Variants in ZNF300 observed in about 807,000 individuals in gnomAD.
The protein encoded by ZNF300 is zinc finger protein 300.
In ZNF300, 6 loss-of-function variants were observed where a neutral mutation model predicts 13.9. The observed-to-expected ratio is 0.43, with a 90% CI of 0.24 to 0.85. The LOEUF (loss-of-function observed/expected upper bound fraction) is 0.85. ZNF300 is among the 40% of genes least tolerant of loss of function. The pLI, the probability that ZNF300 is intolerant of heterozygous loss-of-function variation, is 0.25. For synonymous variants in ZNF300, 237 were observed against 242.2 expected (o/e 0.98, Z 0.20); for missense variants, 662 against 714.2 (o/e 0.93, Z 0.83).
intron 3 of ZNF300, among the ~76,000 whole-genome samples, chr5:150,901,262 A>T (rs904244781): frequency 6.6e-6 from 1 of 152,148 alleles, no homozygotes; most frequent in African/African-American, 2.4e-5. Flanking sequence ...CAGATAGGTA[A>T]GTTTACATTT....
Position 150,895,232 on chromosome 5 carries a change from A to G in ZNF300, c.*192T>C, listed in dbSNP as rs577247177. On this transcript the variant is annotated 3_prime_UTR_variant, in exon 6 of 6. Coordinates refer to ENST00000274599, the MANE Select transcript of ZNF300 (RefSeq NM_052860.4). The stretch of plus-strand genomic sequence containing the variant: ...CTTTAAAAGCTTTACATGCCATATT[A>G]AAAATGTTCTTCATTTATATAACTA... The G allele has an allele frequency of 3.6e-5, 18 of 500,542 alleles. No homozygotes were observed. The South Asian group carries it at 6.5e-4, about 18-fold the overall frequency. 31.0% of individuals were successfully genotyped at this position (500,542 alleles called of 1,614,324 possible). A position where few individuals can be genotyped will look rare whatever the true frequency, so the allele number is the denominator to read the frequency against.
chr5:150,899,124 T>C (rs535659204), intron 3 of ZNF300, among the ~76,000 whole-genome samples: 1 of 152,086 alleles, frequency 6.6e-6, no homozygotes, highest in Admixed American at 6.6e-5. Context: ...GAGAGAGGCA[T>C]GAAACAAATA....
At chr5:150,899,519 C>A in intron 3 of ZNF300, among the ~76,000 whole-genome samples, 1 of 151,848 alleles carries the variant, frequency 6.6e-6, no homozygotes, top group South Asian at 2.1e-4. Context: ...ATCTTAGCTT[C>A]CCCCAAATGT....
Position 150,896,728 on chromosome 5 carries a change from A to G in ZNF300, c.511T>C (p.Phe171Leu). The part of the protein sequence containing the change: ...GHKYNPLGKI[F>L]QECIETDISI... ...ATATCTGTTTCTATGCACTCTTGAA[A>G]TATTTTCCCCAGTGGATTATATTTA... The change falls in exon 6 of 6, where the codon TTT (phenylalanine) becomes CTT (leucine). Residue 171 changes from phenylalanine (F) to leucine (L), a missense_variant. By Grantham distance (22) the Phe-to-Leu change is conservative. Coordinates refer to ENST00000274599, the MANE Select transcript of ZNF300 (RefSeq NM_052860.4). 1 of 1,613,678 alleles carries G rather than the reference A, an allele frequency of 6.2e-7. No homozygotes were observed. Among genetic ancestry groups the G allele is most frequent in the Non-Finnish European group, 8.5e-7 (1 of 1,179,778 alleles).
At position 150,896,668 on chromosome 5, in the gene ZNF300, T is replaced by A; in HGVS notation, c.571A>T (p.Lys191Ter). 6.2e-7 allele frequency: 1 copy of A among 1,613,548 alleles called. No individual in the cohort carries two copies. Among genetic ancestry groups the A allele is most frequent in the Non-Finnish European group, 8.5e-7 (1 of 1,179,764 alleles). ...TCAATATTTGGTTTTAAGTTCTTTT[T>A]AAAAGCATCATATTTATGGAATCTC... ...IQRFHKYDAFKKNLKPNIDLP... is the reference protein window; with the variant it reads ...IQRFHKYDAF The change falls in exon 6 of 6, where the codon AAA (lysine) becomes TAA (stop). Residue 191 changes from lysine (K) to a stop codon, truncating the protein, a stop_gained. Transcript: ENST00000274599. LOFTEE classifies it low-confidence loss of function (END_TRUNC).
In ZNF300 at chr5:150,904,788, T is replaced by A. The variant is rs955687522; in HGVS notation, c.-226A>T. On this transcript the variant is annotated 5_prime_UTR_variant, in exon 1 of 6. An upstream open reading frame in the 5' UTR loses its in-frame stop. Transcript: ENST00000274599. ...CATCACCGCTTAATGGGAACCGCTGTCACATCCCTATTGGCAAACTCTCCT... is the reference window on the plus strand; with the variant it reads ...CATCACCGCTTAATGGGAACCGCTGACACATCCCTATTGGCAAACTCTCCT... 6.5e-6 allele frequency: 1 copy of A among 153,202 alleles called. No homozygotes were observed. Among genetic ancestry groups the A allele is most frequent in the Non-Finnish European group, 1.5e-5 (1 of 68,514 alleles). 9.5% of individuals were successfully genotyped at this position (153,202 alleles called of 1,614,324 possible).
rs1157505063 is a variant in ZNF300, at chr5:150,896,338, C to T, written c.901G>A (p.Ala301Thr). Reference sequence around the variant, plus strand: ...TTCTCACTGAAGGCTTTTCCGCATGCACCACAATCATATGGTTTCTTTCCA... The same window carrying T: ...TTCTCACTGAAGGCTTTTCCGCATGTACCACAATCATATGGTTTCTTTCCA... ...HTGKKPYDCG[A>T]CGKAFSEKFH... Residue 301 changes from alanine (A) to threonine (T), a missense_variant, in exon 6 of 6, where the codon GCA (alanine) becomes ACA (threonine). Transcript: ENST00000274599. 1 of 1,613,596 alleles carries T rather than the reference C, an allele frequency of 6.2e-7. No individual in the cohort carries two copies. Among genetic ancestry groups the T allele is most frequent in the Non-Finnish European group, 8.5e-7 (1 of 1,179,804 alleles).
chr5:150,895,407 T>C lies in ZNF300; in HGVS notation c.*17A>G. 6.4e-7 allele frequency: 1 copy of C among 1,554,066 alleles called. No homozygotes were observed. The highest frequency in any genetic ancestry group is 8.7e-7 in the Non-Finnish European group (1 of 1,147,356). On this transcript the variant is annotated 3_prime_UTR_variant, in exon 6 of 6. Transcript: ENST00000274599. ...TAAGGCTTGAGCTAATACTAAGGCT[T>C]TTCTGTGGCCAGTTCATTATGATTT...
At position 150,896,912 on chromosome 5, in the gene ZNF300, A is replaced by G; in HGVS notation, c.327T>C (p.His109=). 1 of 1,613,466 alleles carries G rather than the reference A, an allele frequency of 6.2e-7. No homozygotes were observed. Among genetic ancestry groups the G allele is most frequent in the Non-Finnish European group, 8.5e-7 (1 of 1,179,658 alleles). ...SCILGTVSFH[H]KILKGVTRDG... ...CCCTTGTGACTCCTTTCAGTATCTT[A>G]TGATGGAAGGAAACTGTCCCCAAAA... is the stretch of plus-strand genomic sequence containing the variant. The change falls in exon 6 of 6, where the codon CAT becomes CAC. Residue 109 remains histidine (H), a synonymous_variant. Transcript: ENST00000274599.
intron 3 of ZNF300, among the ~76,000 whole-genome samples, chr5:150,900,226 A>G (rs767973666): frequency 9.2e-5 from 14 of 152,098 alleles, no homozygotes; most frequent in Non-Finnish European, 1.3e-4. Context: ...CCTCCCTGAT[A>G]CTGTAAACAT....
intron 3 of ZNF300, among the ~76,000 whole-genome samples, chr5:150,899,410 C>T (rs985232774): frequency 2.6e-5 from 4 of 151,356 alleles, no homozygotes; most frequent in Admixed American, 2.0e-4. Flanking sequence ...TTTGTAAGTA[C>T]ATTTTTTTTT....
rs1467252801 is a variant in ZNF300, at chr5:150,895,606, C to T, written c.1633G>A (p.Gly545Arg). The T allele has an allele frequency of 6.2e-7, 1 of 1,613,262 alleles. No individual in the cohort carries two copies. The highest frequency in any genetic ancestry group is 8.5e-7 in the Non-Finnish European group (1 of 1,179,664). Residue 545 changes from glycine (G) to arginine (R), a missense_variant, in exon 6 of 6, where the codon GGA becomes AGA. Gly to Arg is a moderately radical substitution (Grantham distance 125). Coordinates refer to ENST00000274599, the MANE Select transcript of ZNF300 (RefSeq NM_052860.4). ...TCAGCACATATGTAAGGTTTCTCTCCTGTATGAATTCGCTGGTGTCCCGGA... is the reference window on the plus strand; with the variant it reads ...TCAGCACATATGTAAGGTTTCTCTCTTGTATGAATTCGCTGGTGTCCCGGA... Reference protein sequence around the residue: ...HLPGHQRIHTGEKPYICAECG... With the variant: ...HLPGHQRIHTREKPYICAECG...
Position 150,895,082 on chromosome 5 carries a change from C to T in ZNF300, c.*342G>A. 5.3e-6 allele frequency: 1 copy of T among 186,952 alleles called. No individual in the cohort carries two copies. Among genetic ancestry groups the T allele is most frequent in the Non-Finnish European group, 1.1e-5 (1 of 91,706 alleles). 11.6% of individuals were successfully genotyped at this position (186,952 alleles called of 1,614,324 possible). On this transcript the variant is annotated 3_prime_UTR_variant, in exon 6 of 6. Transcript: ENST00000274599. ...TTTTATAGAAAAATTAGTTTATGGC[C>T]ATAATTATGACAAGCTAATATTAGC...
chr5:150,898,522 A>G lies in ZNF300; in HGVS notation c.48T>C (p.Asp16=), dbSNP rs1754880050. 6.2e-7 allele frequency: 1 copy of G among 1,612,678 alleles called. No individual in the cohort carries two copies. The highest frequency in any genetic ancestry group is 8.5e-7 in the Non-Finnish European group (1 of 1,179,216). ...GLVSFKDVAV[D]FTQEEWQQLD... ...GTTGCTGCCACTCCTCCTGGGTGAA[A>G]TCCACAGCCACATCCTTGAATGATA... The change falls in exon 4 of 6, where the codon GAT becomes GAC. Residue 16 remains aspartate, a synonymous_variant. Coordinates refer to ENST00000274599, the MANE Select transcript of ZNF300 (RefSeq NM_052860.4).
intron 3 of ZNF300, among the ~76,000 whole-genome samples, chr5:150,899,924 C>T (rs1297804812): frequency 6.6e-6 from 1 of 152,030 alleles, no homozygotes; most frequent in African/African-American, 2.4e-5. Context: ...TGCTTAAAAG[C>T]CTCCTTTGTT....
chr5:150,898,493 T>C lies in ZNF300; in HGVS notation c.77A>G (p.Asp26Gly), dbSNP rs1561757257. Residue 26 changes from aspartate to glycine, a missense_variant, in exon 4 of 6, where the codon GAC becomes GGC. Asp to Gly is a moderately conservative substitution (Grantham distance 94). Transcript: ENST00000274599. ...DFTQEEWQQL[D>G]PSQRTLYRDV... Reference sequence around the variant, plus strand: ...CCTGTACAGGGTCCTCTGAGAAGGGTCAAGTTGCTGCCACTCCTCCTGGGT... The same window carrying C: ...CCTGTACAGGGTCCTCTGAGAAGGGCCAAGTTGCTGCCACTCCTCCTGGGT... 1 of 1,613,146 alleles carries C rather than the reference T, an allele frequency of 6.2e-7. No individual in the cohort carries two copies. The highest frequency in any genetic ancestry group is 1.7e-5 in the Admixed American group (1 of 59,926).
chr5:150,899,514 A>G (rs1754920180), intron 3 of ZNF300, among the ~76,000 whole-genome samples: 1 of 152,096 alleles, frequency 6.6e-6, no homozygotes, highest in Non-Finnish European at 1.5e-5. Context: ...AAATGATCTT[A>G]GCTTCCCCCA....
intron 3 of ZNF300, among the ~76,000 whole-genome samples, chr5:150,902,286 A>G (rs915559012): frequency 6.6e-6 from 1 of 152,198 alleles, no homozygotes; most frequent in African/African-American, 2.4e-5. Flanking sequence ...GATATGGAGC[A>G]TCAGGGACCT....
chr5:150,898,597 A>G (rs1754884108), intron 3 of ZNF300, 43 bp from the exon 4 acceptor site: 6 of 1,538,252 alleles, frequency 3.9e-6, no homozygotes, highest in Non-Finnish European at 5.3e-6. Flanking sequence ...GATCATTCTC[A>G]TAATTTCTGC....
Sources: allele counts gnomAD v4.1 joint callset (sites outside exome capture counted in the v4.1 genomes callset), GRCh38; gene constraint gnomAD v4.1.1; transcripts MANE v1.5; gene names NCBI Gene and HGNC (gene_info 2026-07-23, HGNC 2026-07-21).